The following UNC5D variants were observed in gnomAD, a reference collection of about 807,000 sequenced individuals.
The protein encoded by UNC5D is unc-5 netrin receptor D.
In UNC5D, 39 loss-of-function variants were observed where a neutral mutation model predicts 105.4. The observed-to-expected ratio is 0.37, with a 90% confidence interval of 0.29 to 0.48. The LOEUF is 0.48. Ranked by LOEUF, UNC5D falls within the 20% of genes least tolerant of loss-of-function variation. The pLI, the probability that UNC5D is intolerant of heterozygous loss-of-function variation, is 0.98. For synonymous variants in UNC5D, 452 were observed against 450.4 expected (o/e 1.00, Z -0.04); for missense variants, 991 against 1,202.4 (o/e 0.82, Z 2.60).
intron 1 of UNC5D, among the ~76,000 whole-genome samples, chr8:35,348,732 C>T (rs1424510955): frequency 6.6e-6 from 1 of 151,754 alleles, no homozygotes. Flanking sequence ...TTTTCATTAT[C>T]TAATAAAGTT....
At chr8:35,351,591 G>T (rs1812242194) in intron 1 of UNC5D, among the ~76,000 whole-genome samples, 1 of 151,980 alleles carries the variant, frequency 6.6e-6, no homozygotes, top group South Asian at 2.1e-4. Context: ...GTTCTTCTGT[G>T]CATAAAGACT....
intron 7 of UNC5D, among the ~76,000 whole-genome samples, chr8:35,700,205 A>C (rs1827091805): frequency 6.6e-6 from 1 of 152,210 alleles, no homozygotes; most frequent in African/African-American, 2.4e-5. Context: ...ATTTCTAGTT[A>C]TGAGGGGAGA....
chr8:35,439,374 T>C (rs1807246721), intron 1 of UNC5D, among the ~76,000 whole-genome samples: 2 of 152,204 alleles, frequency 1.3e-5, no homozygotes, highest in South Asian at 2.1e-4. Context: ...TCCCCTTTGG[T>C]GTTTGCTGCT....
intron 1 of UNC5D, among the ~76,000 whole-genome samples, chr8:35,381,371 A>G (rs1443086006): frequency 6.6e-6 from 1 of 152,142 alleles, no homozygotes; most frequent in Non-Finnish European, 1.5e-5. Flanking sequence ...TTATAACCAT[A>G]GACTCTCACA....
chr8:35,457,634 G>C (rs910850287), intron 1 of UNC5D, among the ~76,000 whole-genome samples: 1 of 152,080 alleles, frequency 6.6e-6, no homozygotes, highest in African/African-American at 2.4e-5. Context: ...GTTCTAATTG[G>C]GTGAGTTGGG....
intron 1 of UNC5D, among the ~76,000 whole-genome samples, chr8:35,511,254 T>G (rs1034013008): frequency 6.6e-6 from 1 of 152,184 alleles, no homozygotes; most frequent in Non-Finnish European, 1.5e-5. Context: ...GATTTCTGGC[T>G]AACCTGTGGT....
chr8:35,342,728 C>A (rs892727613), intron 1 of UNC5D, among the ~76,000 whole-genome samples: 34 of 152,192 alleles, frequency 2.2e-4, no homozygotes, highest in African/African-American at 7.0e-4. Flanking sequence ...TGGGTACAGA[C>A]CTACTACCTT....
intron 1 of UNC5D, among the ~76,000 whole-genome samples, chr8:35,441,594 A>G (rs1194891264): frequency 6.6e-6 from 1 of 151,780 alleles, no homozygotes; most frequent in East Asian, 1.9e-4. Flanking sequence ...GTAGGTCAAA[A>G]TGTTAGTTAA....
At chr8:35,637,975 C>T (rs538417674) in intron 4 of UNC5D, among the ~76,000 whole-genome samples, 11 of 152,272 alleles carry the variant, frequency 7.2e-5, no homozygotes, top group Admixed American at 2.0e-4. Flanking sequence ...CTGTCACTCT[C>T]AGCCCTGGGT....
At chr8:35,252,194 C>A (rs527666100) in intron 1 of UNC5D, among the ~76,000 whole-genome samples, 19 of 151,882 alleles carry the variant, frequency 1.3e-4, no homozygotes, top group African/African-American at 3.6e-4. Flanking sequence ...TTATGAAAAG[C>A]CCCTTGTAAA....
rs148039466 is a variant in UNC5D at position 35,678,571 on chromosome 8, G to A, written c.571-4976G>A. On this transcript the variant is annotated intron_variant, in intron 4 of 16. Coordinates refer to ENST00000404895, the MANE Select transcript of UNC5D (RefSeq NM_080872.4). ...CACTGCATTCTCTTCCAATGTTTAC[G>A]TTAAGCATACATATGTTTATTATTG... Among the ~76,000 whole-genome samples the A allele has an allele frequency of 1.2e-3, 175 of 152,092 alleles. 1 individual carries two copies. The highest frequency in any genetic ancestry group is 6.8e-3 in the Middle Eastern group (2 of 292).
At chr8:35,727,145 G>A (rs1828921330) in intron 10 of UNC5D, 1 of 153,012 alleles carries the variant, frequency 6.5e-6, no homozygotes, top group African/African-American at 2.4e-5. Flanking sequence ...TTTTCATGAT[G>A]TTTTGACATG....
chr8:35,656,230 G>A (rs976729491), intron 4 of UNC5D, among the ~76,000 whole-genome samples: 1 of 152,118 alleles, frequency 6.6e-6, no homozygotes, highest in African/African-American at 2.4e-5. Flanking sequence ...TAACTTTAGT[G>A]CAAGGGTGTG....
At chr8:35,579,419 C>A (rs1196153920) in intron 3 of UNC5D, among the ~76,000 whole-genome samples, 1 of 152,040 alleles carries the variant, frequency 6.6e-6, no homozygotes, top group Non-Finnish European at 1.5e-5. Context: ...AAGGGAAATA[C>A]AAACAAGTGT....
intron 4 of UNC5D, among the ~76,000 whole-genome samples, chr8:35,655,937 C>G (rs772929857): frequency 6.6e-6 from 1 of 152,134 alleles, no homozygotes; most frequent in East Asian, 1.9e-4. Context: ...TATATAAAAA[C>G]CTATCTGAAT....
At chr8:35,606,607 T>G (rs1820309693) in intron 4 of UNC5D, among the ~76,000 whole-genome samples, 1 of 152,178 alleles carries the variant, frequency 6.6e-6, no homozygotes. Flanking sequence ...CCCCAATGTC[T>G]ATCATTCCTT....
intron 1 of UNC5D, among the ~76,000 whole-genome samples, chr8:35,440,136 T>C (rs759802510): frequency 2.0e-5 from 3 of 151,988 alleles, no homozygotes; most frequent in South Asian, 2.1e-4. Flanking sequence ...GCAGTAGCAA[T>C]AGGCCTCTGG....
At chr8:35,629,706 A>G (rs1215974863) in intron 4 of UNC5D, among the ~76,000 whole-genome samples, 1 of 152,242 alleles carries the variant, frequency 6.6e-6, no homozygotes, top group Non-Finnish European at 1.5e-5. Flanking sequence ...TAAAAAACAT[A>G]GATGAATTCC....
Position 35,516,677 on chromosome 8 carries a change from C to A in UNC5D, c.104-32615C>A, listed in dbSNP as rs543773053. ...CCAAATTCATCTACCCAGATCTCCCCCTTCAACCTCAGTCTCTGGGTTCCT... is the reference window on the plus strand; with the variant it reads ...CCAAATTCATCTACCCAGATCTCCCACTTCAACCTCAGTCTCTGGGTTCCT... On this transcript the variant is annotated intron_variant, in intron 1 of 16. Transcript: ENST00000404895. Among the ~76,000 whole-genome samples the A allele has an allele frequency of 7.2e-5, 11 of 152,302 alleles. No individual in the cohort carries two copies. In the South Asian group the frequency reaches 1.9e-3, roughly 26 times the overall value.
Sources: gnomAD v4.1 joint callset for allele counts (sites outside exome capture counted in the v4.1 genomes callset) on GRCh38, gnomAD v4.1.1 for gene constraint, MANE v1.5 for transcripts, NCBI Gene and HGNC (gene_info 2026-07-23, HGNC 2026-07-21) for gene names.